TRAPPC9: variants seen among roughly 807,000 people sequenced by gnomAD.
TRAPPC9 encodes the protein IKK2 binding protein.
A neutral mutation model predicts 124.0 loss-of-function variants in TRAPPC9; 83 were observed. The ratio of observed to expected loss-of-function variants is 0.67; its 90% confidence interval spans 0.56 to 0.80. The LOEUF is 0.80. Among genes scored for constraint, TRAPPC9 ranks in the 30% least tolerant of loss-of-function variants. The pLI is 0.00. For synonymous variants in TRAPPC9, 638 were observed against 617.5 expected, an observed-to-expected ratio of 1.03 and a Z score of -0.49; for missense variants, 1,302 against 1,508.3, an observed-to-expected ratio of 0.86 and a Z score of 2.27.
chr8:140,226,581 G>T (rs1733491633), intron 16 of TRAPPC9, among the ~76,000 whole-genome samples: 1 of 126,290 alleles, frequency 7.9e-6, no homozygotes, highest in Non-Finnish European at 1.6e-5. Flanking sequence ...GACAGGGAGA[G>T]ACTCGGTCTC....
At chr8:140,230,551 G>A (rs1271047763) in intron 16 of TRAPPC9, among the ~76,000 whole-genome samples, 1 of 152,018 alleles carries the variant, frequency 6.6e-6, no homozygotes, top group African/African-American at 2.4e-5. Flanking sequence ...GGCAGAGCTT[G>A]CAGTGAGCCA....
At position 139,955,141 on chromosome 8, in the gene TRAPPC9, C is replaced by T. The variant is rs541444222; in HGVS notation, c.2810+33585G>A. Among the ~76,000 whole-genome samples the T allele has an allele frequency of 8.5e-5, 13 of 152,122 alleles. No homozygotes were observed. The South Asian group carries it at 1.0e-3, about 12-fold the overall frequency. ...GCACATTTTTTCTTGTGAAAGGGGT[C>T]GGATTTCAAAGCCTCTGCCACCAGC... On this transcript the variant is annotated intron_variant, in intron 19 of 22. Transcript: ENST00000438773.
intron 11 of TRAPPC9, among the ~76,000 whole-genome samples, chr8:140,296,597 G>A (rs76207498): frequency 0.074 from 11,245 of 152,318 alleles, 480 homozygotes; most frequent in African/African-American, 0.11. Context: ...AGGAAAAGCA[G>A]AGAGGCAGGG....
At chr8:140,153,848 C>T (rs1339600100) in intron 17 of TRAPPC9, among the ~76,000 whole-genome samples, 4 of 152,228 alleles carry the variant, frequency 2.6e-5, no homozygotes, top group Admixed American at 2.6e-4. Flanking sequence ...GAGCCCACCT[C>T]TCTCCATTCG....
At chr8:140,428,936 C>A (rs2070526567) in intron 4 of TRAPPC9, among the ~76,000 whole-genome samples, 1 of 152,134 alleles carries the variant, frequency 6.6e-6, no homozygotes, top group African/African-American at 2.4e-5. Context: ...CTGTCCCACC[C>A]TTTCCACACT....
intron 2 of TRAPPC9, among the ~76,000 whole-genome samples, chr8:140,445,626 G>A (rs2071221578): frequency 6.6e-6 from 1 of 152,218 alleles, no homozygotes; most frequent in Admixed American, 6.5e-5. Context: ...GCCACCACTG[G>A]ATCCCTGCCC....
intron 17 of TRAPPC9, among the ~76,000 whole-genome samples, chr8:140,114,586 C>G (rs1385050145): frequency 6.6e-6 from 1 of 152,134 alleles, no homozygotes; most frequent in Non-Finnish European, 1.5e-5. Flanking sequence ...ATAATAGGAC[C>G]ATCCGTCACC....
At chr8:139,965,800 A>G (rs1251095673) in intron 19 of TRAPPC9, among the ~76,000 whole-genome samples, 2 of 152,256 alleles carry the variant, frequency 1.3e-5, no homozygotes, top group African/African-American at 4.8e-5. Context: ...AGAGTTGGCT[A>G]CGTGCTGAAT....
chr8:139,917,987 T>C (rs1832259717), intron 19 of TRAPPC9, among the ~76,000 whole-genome samples: 2 of 152,196 alleles, frequency 1.3e-5, no homozygotes, highest in East Asian at 3.8e-4. Flanking sequence ...AGCTGTGGCC[T>C]GGGGCCAGGC....
At chr8:140,397,828 CAA>C in intron 6 of TRAPPC9, 83 bp from the exon 7 acceptor site, 1 of 1,564,184 alleles carries the variant, frequency 6.4e-7, no homozygotes, top group Non-Finnish European at 8.7e-7. Context: ...TACTGGGACT[CAA>C]TAACTACAAC....
intron 17 of TRAPPC9, among the ~76,000 whole-genome samples, chr8:140,217,966 G>A (rs184700909): frequency 1.2e-4 from 18 of 151,784 alleles, no homozygotes; most frequent in African/African-American, 3.9e-4. Context: ...GCAGTGAGCC[G>A]AGATCGCGCC....
Position 139,980,639 on chromosome 8 carries a change from C to T in TRAPPC9, c.2810+8087G>A, listed in dbSNP as rs185373880. 4.9e-4 allele frequency among the ~76,000 whole-genome samples: 74 copies of T among 152,356 alleles called. No homozygotes were observed. In the East Asian group the frequency reaches 0.011, roughly 22 times the overall value. ...TAGATCAACCTGCCGGGCATGGATTCGATTCCTACTTTATGAAGAGCACTC... is the reference window on the plus strand; with the variant it reads ...TAGATCAACCTGCCGGGCATGGATTTGATTCCTACTTTATGAAGAGCACTC... On this transcript the variant is annotated intron_variant, in intron 19 of 22. Coordinates refer to ENST00000438773, the MANE Select transcript of TRAPPC9 (RefSeq NM_001160372.4).
At chr8:140,085,446 C>A (rs1172315126) in intron 17 of TRAPPC9, among the ~76,000 whole-genome samples, 1 of 151,842 alleles carries the variant, frequency 6.6e-6, no homozygotes, top group African/African-American at 2.4e-5. Context: ...TAAATATAAA[C>A]CATCCTTTCT....
intron 17 of TRAPPC9, among the ~76,000 whole-genome samples, chr8:140,163,053 T>A (rs2061777200): frequency 6.6e-6 from 1 of 152,160 alleles, no homozygotes; most frequent in African/African-American, 2.4e-5. Flanking sequence ...CACAATTTTT[T>A]AAAATAATTT....
chr8:140,140,112 A>G (rs972328780), intron 17 of TRAPPC9, among the ~76,000 whole-genome samples: 2 of 152,144 alleles, frequency 1.3e-5, no homozygotes, highest in African/African-American at 4.8e-5. Context: ...TGCAGGGGTG[A>G]GCACACGCAG....
chr8:140,449,446 C>A (rs1180645021), intron 2 of TRAPPC9, among the ~76,000 whole-genome samples: 4 of 152,204 alleles, frequency 2.6e-5, no homozygotes, highest in Non-Finnish European at 5.9e-5. Flanking sequence ...AGAACAGCCA[C>A]CATGGCAAGA....
rs983940520 is a variant in TRAPPC9, at chr8:140,270,296, G to A, written c.2278+5362C>T. Among the ~76,000 whole-genome samples the A allele has an allele frequency of 1.4e-4, 22 of 152,266 alleles. 1 individual carries two copies. The South Asian group carries it at 3.1e-3, about 22-fold the overall frequency. On this transcript the variant is annotated intron_variant, in intron 15 of 22. Transcript: ENST00000438773. The stretch of plus-strand genomic sequence containing the variant: ...AGAGGGGAGCATCTAAGGCAGAGCC[G>A]TGCCGCACATTCAAAATCGCACAGT...
intron 9 of TRAPPC9, among the ~76,000 whole-genome samples, chr8:140,319,414 T>C (rs920127900): frequency 1.8e-4 from 28 of 152,054 alleles, no homozygotes; most frequent in African/African-American, 6.5e-4. Context: ...CCTAACCTCC[T>C]GATCCGCCCA....
At chr8:139,768,605 T>G (rs554745747) in intron 21 of TRAPPC9, among the ~76,000 whole-genome samples, 1 of 152,372 alleles carries the variant, frequency 6.6e-6, no homozygotes, top group Admixed American at 6.5e-5. Flanking sequence ...CTTCTTTGTG[T>G]TCACCTCCAA....
Sources: allele counts gnomAD v4.1 joint callset (sites outside exome capture counted in the v4.1 genomes callset), GRCh38; gene constraint gnomAD v4.1.1; transcripts MANE v1.5; gene names NCBI Gene and HGNC (gene_info 2026-07-23, HGNC 2026-07-21).